PDE1C: variants seen among roughly 807,000 people sequenced by gnomAD.
PDE1C encodes the protein phosphodiesterase 1C, also known as dual specificity calcium/calmodulin-dependent 3',5'-cyclic nucleotide phosphodiesterase 1C.
In PDE1C, 62 loss-of-function variants were observed where a neutral mutation model predicts 93.1. The ratio of observed to expected loss-of-function variants is 0.67; its 90% CI spans 0.54 to 0.82. PDE1C has a LOEUF of 0.82. Among genes scored for constraint, PDE1C ranks in the 40% least tolerant of loss-of-function variants. The pLI is 0.00. For missense variants in PDE1C, 742 were observed against 884.6 expected, an observed-to-expected ratio of 0.84 and a Z score of 2.04; for synonymous variants, 325 against 310.1, an observed-to-expected ratio of 1.05 and a Z score of -0.50.
At chr7:32,135,775 T>C (rs900351511) in intron 3 of PDE1C, among the ~76,000 whole-genome samples, 3 of 152,176 alleles carry the variant, frequency 2.0e-5, no homozygotes, top group Admixed American at 6.5e-5. Flanking sequence ...CTAGTATATA[T>C]CCAAAGAAAA....
intron 6 of PDE1C, among the ~76,000 whole-genome samples, chr7:31,867,862 T>C (rs1307794185): frequency 6.6e-6 from 1 of 152,170 alleles, no homozygotes; most frequent in African/African-American, 2.4e-5. Flanking sequence ...GCATCCCATC[T>C]CCAGTGAAAC....
intron 1 of PDE1C, among the ~76,000 whole-genome samples, chr7:32,226,037 A>C (rs1428776475): frequency 6.6e-6 from 1 of 152,156 alleles, no homozygotes; most frequent in Non-Finnish European, 1.5e-5. Flanking sequence ...CAGCCTGGGC[A>C]ATATAGCGAG....
At chr7:31,744,610 A>G in the PDE1C span, among the ~76,000 whole-genome samples, 1 of 152,188 alleles carries the variant, frequency 6.6e-6, no homozygotes, top group East Asian at 1.9e-4. Context: ...TCATGGCTTC[A>G]ATCTCATTTC....
intron 3 of PDE1C, among the ~76,000 whole-genome samples, chr7:32,155,642 C>G (rs1343961608): frequency 6.6e-6 from 1 of 152,216 alleles, no homozygotes; most frequent in African/African-American, 2.4e-5. Context: ...GACACTGAAT[C>G]ATATCACTTG....
chr7:31,703,123 CA>C, the PDE1C span, among the ~76,000 whole-genome samples: 124 of 152,268 alleles, frequency 8.1e-4, 1 homozygote, highest in African/African-American at 2.9e-3. Context: ...GCTGTTAACA[CA>C]ATTAAATAAA....
chr7:32,096,686 G>T (rs1305669945), intron 3 of PDE1C, among the ~76,000 whole-genome samples: 2 of 152,140 alleles, frequency 1.3e-5, no homozygotes, highest in Non-Finnish European at 2.9e-5. Context: ...ATCCCACTAT[G>T]TCTTCTGCAC....
chr7:31,963,759 A>G (rs138903203), intron 2 of PDE1C, among the ~76,000 whole-genome samples: 41 of 152,346 alleles, frequency 2.7e-4, no homozygotes, highest in African/African-American at 9.1e-4. Flanking sequence ...AACATCAATC[A>G]GCACCTACTT....
intron 2 of PDE1C, among the ~76,000 whole-genome samples, chr7:32,182,494 C>T (rs1369329834): frequency 3.9e-5 from 6 of 152,310 alleles, no homozygotes; most frequent in South Asian, 4.1e-4. Flanking sequence ...GCTGGTTCAA[C>T]ATACGCAAAT....
intron 1 of PDE1C, among the ~76,000 whole-genome samples, chr7:32,307,628 G>A (rs1813043672): frequency 6.6e-6 from 1 of 152,186 alleles, no homozygotes. Flanking sequence ...GCCCAGGACT[G>A]AGGTCATGAT....
At chr7:32,243,120 G>T (rs1301292207) in intron 1 of PDE1C, among the ~76,000 whole-genome samples, 2 of 152,172 alleles carry the variant, frequency 1.3e-5, no homozygotes, top group African/African-American at 4.8e-5. Flanking sequence ...GATGGTAAGT[G>T]GGAGAGAGTA....
intron 2 of PDE1C, among the ~76,000 whole-genome samples, chr7:32,044,822 G>A (rs1253404078): frequency 1.3e-5 from 2 of 152,148 alleles, no homozygotes; most frequent in Non-Finnish European, 2.9e-5. Context: ...ACATAAGGAA[G>A]ATGGAAGAGA....
intron 2 of PDE1C, among the ~76,000 whole-genome samples, chr7:32,033,474 AAAAAAAC>A (rs951567395): frequency 1.3e-4 from 20 of 152,156 alleles, no homozygotes; most frequent in African/African-American, 4.3e-4. Flanking sequence ...GTACCTTGGC[AAAAAAAC>A]AAAAAACAAA....
chr7:31,617,717 C>CAGTACTTTAAGGATAATACTCTACCTA, the PDE1C span, among the ~76,000 whole-genome samples: 3 of 152,116 alleles, frequency 2.0e-5, no homozygotes, highest in South Asian at 6.2e-4. Flanking sequence ...CCGACCCCCA[C>CAGTACTTTAAGGATAATACTCTACCTA]AGTACTTTAA....
At chr7:31,941,531 CAA>C (rs898733790) in intron 2 of PDE1C, 1 of 154,232 alleles carries the variant, frequency 6.5e-6, no homozygotes, top group African/African-American at 2.4e-5. Context: ...AGAATTGAAT[CAA>C]AGAGTGTGTC....
At chr7:31,910,945 T>C (rs1275692808) in intron 2 of PDE1C, among the ~76,000 whole-genome samples, 1 of 152,222 alleles carries the variant, frequency 6.6e-6, no homozygotes, top group Non-Finnish European at 1.5e-5. Context: ...AGGCTGGATT[T>C]GAATTTTTAG....
rs1794179622 is a variant in PDE1C at position 31,752,325 on chromosome 7, C to T, written c.*1059G>A. 1 of 152,030 alleles carries T rather than the reference C, an allele frequency of 6.6e-6. No homozygotes were observed. The highest frequency in any genetic ancestry group is 2.4e-5 in the African/African-American group (1 of 41,392). 9.4% of individuals were successfully genotyped at this position (152,030 alleles called of 1,614,324 possible). On this transcript the variant is annotated 3_prime_UTR_variant, in exon 18 of 18. Coordinates refer to ENST00000396191, the MANE Select transcript of PDE1C (RefSeq NM_001191057.4). ...AGAGACACAGAAGGGCTAACAATGC[C>T]ACCATAAAAAGAGGTGAGTTATAAA...
chr7:31,671,912 C>T, the PDE1C span, among the ~76,000 whole-genome samples: 2 of 152,192 alleles, frequency 1.3e-5, no homozygotes, highest in Admixed American at 6.5e-5. Context: ...CTTTTCCTGC[C>T]CATAGCCCCA....
chr7:32,310,233 G>A (rs1278415683), intron 1 of PDE1C, among the ~76,000 whole-genome samples: 1 of 151,796 alleles, frequency 6.6e-6, no homozygotes, highest in Non-Finnish European at 1.5e-5. Flanking sequence ...CAATACAGGA[G>A]CACCCAGATT....
At position 31,967,331 on chromosome 7, in the gene PDE1C, C is replaced by A. The variant is rs1810166901; in HGVS notation, c.128+84223G>T. ...CTACTATCAGAGAATACCATAAACA[C>A]CTCTACACAAATAAACTAGAAAATC... On this transcript the variant is annotated intron_variant, in intron 2 of 17. Transcript: ENST00000396191. Among the ~76,000 whole-genome samples the A allele has an allele frequency of 2.6e-5, 4 of 152,196 alleles. No individual in the cohort carries two copies. In the South Asian group the frequency reaches 8.3e-4, roughly 31 times the overall value.
Sources: allele counts gnomAD v4.1 joint callset (sites outside exome capture counted in the v4.1 genomes callset), GRCh38; gene constraint gnomAD v4.1.1; transcripts MANE v1.5; gene names NCBI Gene and HGNC (gene_info 2026-07-23, HGNC 2026-07-21).